INPP4B: variants seen among roughly 807,000 people sequenced by gnomAD.
INPP4B encodes inositol polyphosphate-4-phosphatase type II B, also known as inositol polyphosphate 4-phosphatase type II.
In INPP4B, 55 loss-of-function variants were observed where a neutral mutation model predicts 122.5. That is an observed-to-expected ratio of 0.45 (90% CI 0.36 to 0.56). The LOEUF (loss-of-function observed/expected upper bound fraction) is 0.56. Ranked by LOEUF, INPP4B falls within the 20% of genes least tolerant of loss-of-function variation. The pLI is 0.00. For synonymous variants in INPP4B, 403 were observed against 388.7 expected, an observed-to-expected ratio of 1.04 and a Z score of -0.43; for missense variants, 1,000 against 1,097.7, an observed-to-expected ratio of 0.91 and a Z score of 1.26.
In INPP4B at chr4:142,612,348, C is replaced by T. The variant is rs573955262; in HGVS notation, c.-191+113491G>A. ...AATAACTAAGAAAGTAATTAGGCCT[C>T]GCAATTATTTAACACATAGTGTGTA... On this transcript the variant is annotated intron_variant, in intron 2 of 25. Coordinates refer to ENST00000262992, the MANE Select transcript of INPP4B (RefSeq NM_001101669.3). Among the ~76,000 whole-genome samples the T allele has an allele frequency of 1.5e-4, 23 of 152,284 alleles. No homozygotes were observed. The South Asian group carries it at 3.9e-3, about 26-fold the overall frequency.
At position 142,597,532 on chromosome 4, in the gene INPP4B, T is replaced by C. The variant is rs1432023044; in HGVS notation, c.-191+128307A>G. 3.3e-5 allele frequency among the ~76,000 whole-genome samples: 5 copies of C among 152,186 alleles called. 1 individual carries two copies. The highest frequency in any genetic ancestry group is 7.4e-5 in the Non-Finnish European group (5 of 68,026). On this transcript the variant is annotated intron_variant, in intron 2 of 25. Coordinates refer to ENST00000262992, the MANE Select transcript of INPP4B (RefSeq NM_001101669.3). ...CCTTGAATCACTCAGAACTCTTCTT[T>C]ATCCTAAACTAGAAAATCCCCTCTT...
At chr4:142,058,813 G>A (rs1247857055) in intron 25 of INPP4B, among the ~76,000 whole-genome samples, 1 of 152,102 alleles carries the variant, frequency 6.6e-6, no homozygotes, top group Admixed American at 6.6e-5. Context: ...CTATTTCTAA[G>A]AATAAAGGAT....
chr4:142,723,407 C>T (rs984884610), intron 2 of INPP4B, among the ~76,000 whole-genome samples: 1 of 151,994 alleles, frequency 6.6e-6, no homozygotes, highest in African/African-American at 2.4e-5. Context: ...GTAATCCTAC[C>T]ATGGTATACC....
intron 14 of INPP4B, among the ~76,000 whole-genome samples, chr4:142,207,875 C>T (rs899817668): frequency 1.3e-5 from 2 of 152,264 alleles, no homozygotes; most frequent in African/African-American, 4.8e-5. Flanking sequence ...CTCTGGACCA[C>T]TTTCAGGTAC....
At chr4:142,337,866 T>G (rs2151642601) in intron 7 of INPP4B, among the ~76,000 whole-genome samples, 1 of 151,056 alleles carries the variant, frequency 6.6e-6, no homozygotes, top group Non-Finnish European at 1.5e-5. Context: ...TGTCTCTTTT[T>G]ATGGTGTCTT....
At chr4:142,321,636 CTT>C (rs1209371493) in intron 7 of INPP4B, among the ~76,000 whole-genome samples, 1 of 152,132 alleles carries the variant, frequency 6.6e-6, no homozygotes, top group Non-Finnish European at 1.5e-5. Context: ...CAGTTTCATT[CTT>C]TTACATGTGA....
At chr4:142,202,644 A>G (rs1841139528) in intron 14 of INPP4B, 2 of 576,448 alleles carry the variant, frequency 3.5e-6, no homozygotes, top group East Asian at 2.9e-4. Context: ...TAGTTAACAC[A>G]GTAAATTTTG....
intron 16 of INPP4B, among the ~76,000 whole-genome samples, chr4:142,169,245 A>T (rs925510138): frequency 1.3e-5 from 2 of 151,686 alleles, no homozygotes; most frequent in African/African-American, 4.8e-5. Context: ...AAAAACAGCA[A>T]CATAATTTCT....
intron 7 of INPP4B, among the ~76,000 whole-genome samples, chr4:142,336,824 G>A (rs1776787993): frequency 6.6e-6 from 1 of 152,224 alleles, no homozygotes; most frequent in Non-Finnish European, 1.5e-5. Flanking sequence ...GGTTGGCCAA[G>A]TGGCACTGAA....
At chr4:142,087,126 T>G (rs1777239744) in intron 23 of INPP4B, among the ~76,000 whole-genome samples, 1 of 152,192 alleles carries the variant, frequency 6.6e-6, no homozygotes, top group African/African-American at 2.4e-5. Flanking sequence ...ATCCCTGGCC[T>G]CTACCATTCG....
intron 2 of INPP4B, among the ~76,000 whole-genome samples, chr4:142,567,938 C>T (rs1731990645): frequency 6.6e-6 from 1 of 152,148 alleles, no homozygotes; most frequent in Admixed American, 6.5e-5. Flanking sequence ...CATTGCTTGG[C>T]TCAAACAATC....
chr4:142,171,539 C>T (rs548481663), intron 16 of INPP4B, among the ~76,000 whole-genome samples: 2 of 151,828 alleles, frequency 1.3e-5, no homozygotes, highest in East Asian at 3.9e-4. Context: ...CACTAAAACT[C>T]TCTCTCTTTC....
Position 142,062,768 on chromosome 4 carries a change from AACAAACAG to A in INPP4B, c.2642+19255_2642+19262del, listed in dbSNP as rs762672368. On this transcript the variant is annotated intron_variant, in intron 25 of 25. Transcript: ENST00000262992. ...AAACAAACAAACAAACAAACAAACA[AACAAACAG>A]ACAAACAAACACAAAAAAACTTTTT... 9.7e-3 allele frequency among the ~76,000 whole-genome samples: 1,391 copies of A among 144,098 alleles called. 7 individuals are homozygous for A. The highest frequency in any genetic ancestry group is 0.024 in the Middle Eastern group (7 of 290). 94.5% of individuals were successfully genotyped at this position (144,098 alleles called of 152,430 possible).
chr4:142,320,148 C>A (rs569542641), intron 7 of INPP4B, among the ~76,000 whole-genome samples: 1 of 152,348 alleles, frequency 6.6e-6, no homozygotes, highest in South Asian at 2.1e-4. Flanking sequence ...CCTTGCCATG[C>A]TCCCTCCTCC....
chr4:142,225,629 T>G (rs1427778675), intron 12 of INPP4B, among the ~76,000 whole-genome samples: 2 of 151,518 alleles, frequency 1.3e-5, no homozygotes, highest in African/African-American at 4.8e-5. Context: ...TCTAAAGTCC[T>G]TGTATTATAT....
intron 17 of INPP4B, among the ~76,000 whole-genome samples, chr4:142,159,667 C>T (rs1212992948): frequency 6.6e-6 from 1 of 151,934 alleles, no homozygotes; most frequent in Non-Finnish European, 1.5e-5. Context: ...TTGGAGAATT[C>T]TTGAATAATT....
intron 2 of INPP4B, among the ~76,000 whole-genome samples, chr4:142,718,848 G>C (rs1764142694): frequency 6.6e-6 from 1 of 152,190 alleles, no homozygotes; most frequent in South Asian, 2.1e-4. Context: ...GAAACTCAGT[G>C]TTAATCTTAT....
chr4:142,028,707 A>AAAC lies in INPP4B; in HGVS notation c.*72_*74dup. On this transcript the variant is annotated 3_prime_UTR_variant, in exon 26 of 26. Transcript: ENST00000262992. ...ACCACAAATTCATGACAATAAAAAC[A>AAAC]AACAAAAAAGACCAAGGTGAAGATT... is the stretch of plus-strand genomic sequence containing the variant. 1 of 1,485,850 alleles carries AAAC rather than the reference A, an allele frequency of 6.7e-7. No individual in the cohort carries two copies. The highest frequency in any genetic ancestry group is 9.1e-7 in the Non-Finnish European group (1 of 1,099,256). The allele number at this position is 1,485,850 out of a possible 1,614,324, so 92.0% of individuals were successfully genotyped here.
At chr4:142,367,617 C>T (rs1788041672) in intron 7 of INPP4B, among the ~76,000 whole-genome samples, 1 of 152,070 alleles carries the variant, frequency 6.6e-6, no homozygotes, top group Non-Finnish European at 1.5e-5. Flanking sequence ...AGACTCAAAT[C>T]TAGATCTGAT....
Sources: allele counts gnomAD v4.1 joint callset (sites outside exome capture counted in the v4.1 genomes callset), GRCh38; gene constraint gnomAD v4.1.1; transcripts MANE v1.5; gene names NCBI Gene and HGNC (gene_info 2026-07-23, HGNC 2026-07-21).